The following AGAP1 variants were observed in gnomAD, a reference collection of about 807,000 sequenced individuals.
The protein encoded by AGAP1 is arf-GAP with GTPase, ANK repeat and PH domain-containing protein 1.
A neutral mutation model predicts 105.3 loss-of-function variants in AGAP1; 29 were observed. The observed-to-expected ratio is 0.28, with a 90% CI of 0.21 to 0.38. AGAP1 has a LOEUF of 0.38. AGAP1 is among the 10% of genes least tolerant of loss of function. The pLI is 1.00. For synonymous variants in AGAP1, 509 were observed against 485.9 expected, an observed-to-expected ratio of 1.05 and a Z score of -0.63; for missense variants, 998 against 1,165.1, an observed-to-expected ratio of 0.86 and a Z score of 2.09.
At chr2:235,519,074 T>C (rs1942514414) in intron 1 of AGAP1, among the ~76,000 whole-genome samples, 1 of 152,140 alleles carries the variant, frequency 6.6e-6, no homozygotes. Context: ...TTGGTGTGTG[T>C]GTATGTGTTT....
At position 236,129,735 on chromosome 2, in the gene AGAP1, G is replaced by A. The variant is rs886716980; in HGVS notation, c.*5613G>A. The A allele has an allele frequency of 2.0e-5, 3 of 152,174 alleles. No homozygotes were observed. Among genetic ancestry groups the A allele is most frequent in the South Asian group, 2.1e-4 (1 of 4,830 alleles). The allele number at this position is 152,174 out of a possible 1,614,324, so 9.4% of individuals were successfully genotyped here. ...CCCCCCATTTAATCAGTGTGTCTGC[G>A]GCTTTCTTCGCGTCACATGTCCGCA... On this transcript the variant is annotated 3_prime_UTR_variant, in exon 18 of 18. Coordinates refer to ENST00000304032, the MANE Select transcript of AGAP1 (RefSeq NM_001037131.3). This position sits in a 1 kb window ranked among gnomAD's most constrained non-coding sequence, Gnocchi z 6.2.
In AGAP1 at chr2:235,773,066, C is replaced by G. The variant is rs1955583767; in HGVS notation, c.673+22578C>G. On this transcript the variant is annotated intron_variant, in intron 6 of 17. Coordinates refer to ENST00000304032, the MANE Select transcript of AGAP1 (RefSeq NM_001037131.3). Reference sequence around the variant, plus strand: ...CAAAGAATTGAACAAAATGCACAAACAAAGCAAGGAAAGAATGAAGCAACA... The same window carrying G: ...CAAAGAATTGAACAAAATGCACAAAGAAAGCAAGGAAAGAATGAAGCAACA... Among the ~76,000 whole-genome samples the G allele has an allele frequency of 3.3e-5, 5 of 152,082 alleles. No homozygotes were observed. In the South Asian group the frequency reaches 1.0e-3, roughly 32 times the overall value.
chr2:235,567,124 G>C (rs1239213330), intron 1 of AGAP1, among the ~76,000 whole-genome samples: 2 of 152,222 alleles, frequency 1.3e-5, no homozygotes, highest in African/African-American at 4.8e-5. Context: ...CCACAGGTCT[G>C]TCCCCCTAAA....
chr2:235,705,113 G>A lies in AGAP1; in HGVS notation c.164-4066G>A, dbSNP rs1320701575. On this transcript the variant is annotated intron_variant, in intron 1 of 17. Coordinates refer to ENST00000304032, the MANE Select transcript of AGAP1 (RefSeq NM_001037131.3). This position sits in a 1 kb window ranked among gnomAD's most constrained non-coding sequence, Gnocchi z 4.9. Reference sequence around the variant, plus strand: ...CCTGCCTCAGCCTCCCGAGCAGCTGGGATTACAATCATGTGCCACCACGCC... The same window carrying A: ...CCTGCCTCAGCCTCCCGAGCAGCTGAGATTACAATCATGTGCCACCACGCC... Among the ~76,000 whole-genome samples, 1 of 151,618 alleles carries A rather than the reference G, an allele frequency of 6.6e-6. No homozygotes were observed. The highest frequency in any genetic ancestry group is 2.0e-4 in the East Asian group (1 of 5,126).
At position 235,717,281 on chromosome 2, in the gene AGAP1, T is replaced by C. The variant is rs143823007; in HGVS notation, c.223-276T>C. On this transcript the variant is annotated intron_variant, in intron 2 of 17. Transcript: ENST00000304032. ...GAACACAGCCCTGATGTAAACAATG[T>C]GCTTGTTTTCTGGAAGAATGCCAAA... is the stretch of plus-strand genomic sequence containing the variant. Among the ~76,000 whole-genome samples, 357 of 152,336 alleles carry C rather than the reference T, an allele frequency of 2.3e-3. 4 individuals carry two copies. The highest frequency in any genetic ancestry group is 0.02 in the East Asian group (104 of 5,180).
At chr2:235,954,131 C>T (rs1318443066) in intron 12 of AGAP1, among the ~76,000 whole-genome samples, 5 of 149,504 alleles carry the variant, frequency 3.3e-5, no homozygotes, top group Non-Finnish European at 5.9e-5. Context: ...CCCAGCTACT[C>T]GGGAGGCTGA....
At position 235,734,691 on chromosome 2, in the gene AGAP1, T is replaced by C. The variant is rs1397615490; in HGVS notation, c.311-6272T>C. ...CCACCCTTCCCAAGTGTGAGTGGAG[T>C]AAGGATAAGATAGTCCCGCCTCTCT... On this transcript the variant is annotated intron_variant, in intron 3 of 17. Transcript: ENST00000304032. The surrounding 1 kb of genome is among the most constrained non-coding windows in gnomAD (Gnocchi z 5.3). 6.6e-6 allele frequency among the ~76,000 whole-genome samples: 1 copy of C among 151,966 alleles called. No individual in the cohort carries two copies. Among genetic ancestry groups the C allele is most frequent in the Non-Finnish European group, 1.5e-5 (1 of 67,990 alleles).
At chr2:235,870,715 T>C (rs1280462901) in intron 9 of AGAP1, among the ~76,000 whole-genome samples, 2 of 152,158 alleles carry the variant, frequency 1.3e-5, no homozygotes, top group African/African-American at 2.4e-5. Context: ...CACATGATGC[T>C]GATTCACCCT....
At chr2:235,706,481 G>A (rs962543350) in intron 1 of AGAP1, among the ~76,000 whole-genome samples, 1 of 152,102 alleles carries the variant, frequency 6.6e-6, no homozygotes, top group African/African-American at 2.4e-5. Context: ...GCCCGCCTCG[G>A]CCTCCCAAAT....
chr2:235,643,808 G>C (rs1349650555), intron 1 of AGAP1, among the ~76,000 whole-genome samples: 1 of 152,094 alleles, frequency 6.6e-6, no homozygotes, highest in Non-Finnish European at 1.5e-5. Context: ...GATACTTTGT[G>C]GGGGGAAAAC....
chr2:235,850,443 C>T (rs1392215431), intron 9 of AGAP1, among the ~76,000 whole-genome samples: 1 of 152,210 alleles, frequency 6.6e-6, no homozygotes. Context: ...GGTCCTAGCA[C>T]CTCTGCATTA....
intron 2 of AGAP1, among the ~76,000 whole-genome samples, chr2:235,709,498 A>G (rs898052033): frequency 3.3e-5 from 5 of 151,038 alleles, no homozygotes; most frequent in Non-Finnish European, 7.4e-5. Flanking sequence ...GGCCATCATC[A>G]TCCTCTCTCT....
chr2:235,918,618 G>GTATA (rs2052019557), intron 11 of AGAP1, among the ~76,000 whole-genome samples: 1 of 152,134 alleles, frequency 6.6e-6, no homozygotes, highest in African/African-American at 2.4e-5. Flanking sequence ...ACTCTTTGAG[G>GTATA]CATACACTGT....
At chr2:235,836,576 G>T (rs1364842658) in intron 9 of AGAP1, among the ~76,000 whole-genome samples, 2 of 152,226 alleles carry the variant, frequency 1.3e-5, no homozygotes, top group African/African-American at 4.8e-5. Flanking sequence ...GCCGGGAAGT[G>T]GAAATCTGGT....
At position 236,046,051 on chromosome 2, in the gene AGAP1, G is replaced by A. The variant is rs756836398; in HGVS notation, c.1892-3008G>A. ...GGGGAGGTAGGAGGGGGTGCACCACGGTCTGAACGAGGGGCCAGCATGAGT... is the reference window on the plus strand; with the variant it reads ...GGGGAGGTAGGAGGGGGTGCACCACAGTCTGAACGAGGGGCCAGCATGAGT... On this transcript the variant is annotated intron_variant, in intron 15 of 17. Transcript: ENST00000304032. This position sits in a 1 kb window ranked among gnomAD's most constrained non-coding sequence, Gnocchi z 5.2. The A allele has an allele frequency of 4.2e-6, 2 of 470,764 alleles. No homozygotes were observed. Among genetic ancestry groups the A allele is most frequent in the African/African-American group, 2.0e-5 (1 of 50,186 alleles). 29.2% of individuals were successfully genotyped at this position (470,764 alleles called of 1,614,324 possible).
chr2:235,591,445 G>A (rs141035267), intron 1 of AGAP1, among the ~76,000 whole-genome samples: 2 of 152,312 alleles, frequency 1.3e-5, no homozygotes, highest in Non-Finnish European at 2.9e-5. Flanking sequence ...CACAACAAAG[G>A]CGCACGGATT....
In AGAP1 at chr2:235,605,733, C is replaced by T. The variant is rs1163673062; in HGVS notation, c.164-103446C>T. On this transcript the variant is annotated intron_variant, in intron 1 of 17. Coordinates refer to ENST00000304032, the MANE Select transcript of AGAP1 (RefSeq NM_001037131.3). ...TTTTGTAAAAATTGCCAGCTGTACC[C>T]GGTCAGCACATTTTTGTTGTCTAAC... 2.6e-5 allele frequency among the ~76,000 whole-genome samples: 4 copies of T among 152,338 alleles called. No homozygotes were observed. The South Asian group carries it at 6.2e-4, about 24-fold the overall frequency.
At chr2:235,704,536 C>T (rs1405962185) in intron 1 of AGAP1, among the ~76,000 whole-genome samples, 1 of 152,198 alleles carries the variant, frequency 6.6e-6, no homozygotes, top group Non-Finnish European at 1.5e-5. Context: ...GTCCCAGCTA[C>T]TCGAGAGGCT....
At chr2:235,543,122 CGTTGGGTGTTGGGT>C (rs543153121) in intron 1 of AGAP1, among the ~76,000 whole-genome samples, 6,085 of 142,952 alleles carry the variant, frequency 0.043, 183 homozygotes, top group Non-Finnish European at 0.07. Context: ...CCCTGCCCCT[CGTTGGGTGTTGGGT>C]GTTGGGTGTT....
Sources: allele counts gnomAD v4.1 joint callset (sites outside exome capture counted in the v4.1 genomes callset), GRCh38; gene constraint gnomAD v4.1.1; non-coding constraint Gnocchi (gnomAD v3.1); transcripts MANE v1.5; gene names NCBI Gene and HGNC (gene_info 2026-07-23, HGNC 2026-07-21).